Variants in PCDHGA1 observed in about 807,000 individuals in gnomAD.
PCDHGA1 encodes protocadherin gamma subfamily A, 1.
A neutral mutation model predicts 58.0 loss-of-function variants in PCDHGA1; 32 were observed. That is an observed-to-expected ratio of 0.55 (90% CI 0.42 to 0.74). The LOEUF is 0.74. Among genes scored for constraint, PCDHGA1 ranks in the 30% least tolerant of loss-of-function variants. The probability of loss-of-function intolerance (pLI) is 0.00; values close to 1 mark genes in which losing one functional copy is unlikely to be tolerated. For missense variants in PCDHGA1, 1,205 were observed against 1,182.3 expected (o/e 1.02, Z -0.28); for synonymous variants, 498 against 501.1 (o/e 0.99, Z 0.08).
intron 1 of PCDHGA1, chr5:141,362,040 G>A (rs760170186): frequency 3.1e-6 from 5 of 1,610,444 alleles, no homozygotes; most frequent in Non-Finnish European, 3.4e-6. Flanking sequence ...TGGGCGACAG[G>A]GACGCGGCCC....
intron 1 of PCDHGA1, chr5:141,403,959 C>T (rs1415465011): frequency 2.5e-6 from 4 of 1,613,568 alleles, no homozygotes; most frequent in Non-Finnish European, 3.4e-6. Context: ...GTGCTCATTT[C>T]GGTGGAAGAT....
intron 1 of PCDHGA1, chr5:141,399,754 A>G: frequency 6.2e-7 from 1 of 1,613,326 alleles, no homozygotes; most frequent in Non-Finnish European, 8.5e-7. Flanking sequence ...CGCAAACGTG[A>G]GCCTGCGCGT....
At chr5:141,357,636 T>C (rs1760683281) in intron 1 of PCDHGA1, 6 of 1,612,636 alleles carry the variant, frequency 3.7e-6, no homozygotes, top group Non-Finnish European at 4.2e-6. Flanking sequence ...GTCAATCTTA[T>C]AATAGATCAT....
chr5:141,389,853 A>G, intron 1 of PCDHGA1: 1 of 1,614,050 alleles, frequency 6.2e-7, no homozygotes, highest in South Asian at 1.1e-5. Context: ...GGCCACTGCC[A>G]CGTTGCACCT....
At position 141,332,115 on chromosome 5, in the gene PCDHGA1, C is replaced by A. The variant is rs759514084; in HGVS notation, c.1431C>A (p.His477Gln). 1.2e-6 allele frequency: 2 copies of A among 1,614,166 alleles called. No homozygotes were observed. The part of the protein sequence containing the change: ...RGASIFSVRA[H>Q]DLDSNENAQI... ...CCTCCATCTTCTCTGTGAGGGCCCACGACTTGGACAGCAATGAGAATGCAC... is the reference window on the plus strand; with the variant it reads ...CCTCCATCTTCTCTGTGAGGGCCCAAGACTTGGACAGCAATGAGAATGCAC... The change falls in exon 1 of 4, where the codon CAC becomes CAA. Residue 477 changes from histidine to glutamine, a missense_variant. Physicochemically the swap from His to Gln is conservative, Grantham distance 24. Coordinates refer to ENST00000517417, the MANE Select transcript of PCDHGA1 (RefSeq NM_018912.3). The surrounding 1 kb of genome is among the most constrained non-coding windows in gnomAD (Gnocchi z 4.6).
intron 1 of PCDHGA1, chr5:141,388,978 C>G: frequency 6.2e-7 from 1 of 1,613,972 alleles, no homozygotes; most frequent in Non-Finnish European, 8.5e-7. Flanking sequence ...ACACATATTG[C>G]TTTGCTCAAA....
chr5:141,484,068 G>C (rs1287427208), intron 1 of PCDHGA1, among the ~76,000 whole-genome samples: 1 of 152,114 alleles, frequency 6.6e-6, no homozygotes, highest in African/African-American at 2.4e-5. Flanking sequence ...TAAGTGAAAA[G>C]CTTGCTCTTT....
At chr5:141,437,459 C>T (rs749625924) in intron 1 of PCDHGA1, among the ~76,000 whole-genome samples, 1 of 152,140 alleles carries the variant, frequency 6.6e-6, no homozygotes, top group Admixed American at 6.5e-5. Context: ...GGAGACTATA[C>T]TATACTTTTA....
At chr5:141,392,809 C>T in intron 1 of PCDHGA1, 1 of 1,578,772 alleles carries the variant, frequency 6.3e-7, no homozygotes, top group African/African-American at 1.4e-5. Flanking sequence ...TGCAGCAAAA[C>T]AACAATGGCC....
chr5:141,415,947 C>T (rs1161530180), intron 1 of PCDHGA1: 1 of 532,382 alleles, frequency 1.9e-6, no homozygotes, highest in Admixed American at 4.2e-5. Flanking sequence ...CCTGGGTGGT[C>T]ACATATTGAA....
At position 141,491,423 on chromosome 5, in the gene PCDHGA1, G is replaced by C; in HGVS notation, c.2422-3384G>C. On this transcript the variant is annotated intron_variant, in intron 1 of 3. Transcript: ENST00000517417. The surrounding 1 kb of genome is among the most constrained non-coding windows in gnomAD (Gnocchi z 6.9). ...AACGCAGACGGGGACGGGGGTGGAG[G>C]GCAGTGCTGCAGGCGCCAGGACTCA... 1 of 1,614,126 alleles carries C rather than the reference G, an allele frequency of 6.2e-7. No individual in the cohort carries two copies. Among genetic ancestry groups the C allele is most frequent in the South Asian group, 1.1e-5 (1 of 91,090 alleles).
chr5:141,365,055 T>G (rs181194736), intron 1 of PCDHGA1: 1 of 1,613,822 alleles, frequency 6.2e-7, no homozygotes, highest in Non-Finnish European at 8.5e-7. Context: ...GCGCCCCTGT[T>G]CACCCCATCC....
chr5:141,383,546 A>G (rs747474981), intron 1 of PCDHGA1: 1 of 1,612,542 alleles, frequency 6.2e-7, no homozygotes, highest in Non-Finnish European at 8.5e-7. Flanking sequence ...ACAGCCTCTG[A>G]TGGCGGCGAC....
intron 1 of PCDHGA1, among the ~76,000 whole-genome samples, chr5:141,406,576 A>T (rs909778588): frequency 8.5e-5 from 13 of 152,222 alleles, no homozygotes; most frequent in Non-Finnish European, 8.8e-5. Context: ...CTAGTAAACC[A>T]ATTTTTTCCC....
chr5:141,351,870 C>T lies in PCDHGA1; in HGVS notation c.2421+18765C>T, dbSNP rs545715349. The T allele has an allele frequency of 1.3e-5, 21 of 1,613,166 alleles. No individual in the cohort carries two copies. The East Asian group carries it at 4.5e-4, about 34-fold the overall frequency. ...CAGGCCAGGGACCAGGGCTCCCCCGCGCTCAGCGCCAACGTGAGCCTGCGC... is the reference window on the plus strand; with the variant it reads ...CAGGCCAGGGACCAGGGCTCCCCCGTGCTCAGCGCCAACGTGAGCCTGCGC... On this transcript the variant is annotated intron_variant, in intron 1 of 3. Coordinates refer to ENST00000517417, the MANE Select transcript of PCDHGA1 (RefSeq NM_018912.3).
chr5:141,420,415 TAAAAC>T, intron 1 of PCDHGA1: 1 of 1,217,298 alleles, frequency 8.2e-7, no homozygotes, highest in Non-Finnish European at 1.1e-6. Flanking sequence ...TTATCATTAT[TAAAAC>T]AAAAGTTTAA....
intron 1 of PCDHGA1, among the ~76,000 whole-genome samples, chr5:141,452,689 C>G (rs1198702467): frequency 6.6e-6 from 1 of 151,562 alleles, no homozygotes; most frequent in Non-Finnish European, 1.5e-5. Context: ...AGAATGAAAC[C>G]CTGTCAAGAA....
Position 141,476,658 on chromosome 5 carries a change from C to A in PCDHGA1, c.2422-18149C>A, listed in dbSNP as rs182518072. On this transcript the variant is annotated intron_variant, in intron 1 of 3. Transcript: ENST00000517417. The surrounding 1 kb of genome is among the most constrained non-coding windows in gnomAD (Gnocchi z 7.6). ...GAGCTGAGCCGAAATGAATACTTTGCGCTTCGCGTGCAGACGCGGGAGGAC... is the reference window on the plus strand; with the variant it reads ...GAGCTGAGCCGAAATGAATACTTTGAGCTTCGCGTGCAGACGCGGGAGGAC... 2 of 1,614,244 alleles carry A rather than the reference C, an allele frequency of 1.2e-6. No homozygotes were observed. The highest frequency in any genetic ancestry group is 2.2e-5 in the East Asian group (1 of 44,878).
chr5:141,492,007 C>A, intron 1 of PCDHGA1: 1 of 629,072 alleles, frequency 1.6e-6, no homozygotes, highest in Non-Finnish European at 2.6e-6. Flanking sequence ...GCGATTTCCG[C>A]GGGTGTCGGG....
Sources: allele counts gnomAD v4.1 joint callset (sites outside exome capture counted in the v4.1 genomes callset), GRCh38; gene constraint gnomAD v4.1.1; non-coding constraint Gnocchi (gnomAD v3.1); transcripts MANE v1.5; gene names NCBI Gene and HGNC (gene_info 2026-07-23, HGNC 2026-07-21).